RAPGEF2: variants seen among roughly 807,000 people sequenced by gnomAD.
RAPGEF2 encodes the protein PDZ domain containing guanine nucleotide exchange factor (GEF) 1.
RAPGEF2 carries 54 observed loss-of-function variants against 186.7 expected under a neutral mutation model. The observed-to-expected ratio is 0.29, with a 90% CI of 0.23 to 0.36. RAPGEF2 has a LOEUF of 0.36. RAPGEF2 is among the 10% of genes least tolerant of loss of function. RAPGEF2 has a pLI of 1.00. For synonymous variants in RAPGEF2, 712 were observed against 705.9 expected, an observed-to-expected ratio of 1.01 and a Z score of -0.14; for missense variants, 1,532 against 2,045.0, an observed-to-expected ratio of 0.75 and a Z score of 4.84.
rs59463532 is a variant in RAPGEF2 at position 159,330,265 on chromosome 4, ATGTGTGTG to A, written c.1303-45_1303-38del. ...CATATATGTGTGTGTGTATATGTAT[ATGTGTGTG>A]TGTGTGTGTGTGTGTGTGTGTGTAT... is the stretch of plus-strand genomic sequence containing the variant. On this transcript the variant is annotated intron_variant, in intron 12 of 29. Coordinates refer to ENST00000691494, the MANE Select transcript of RAPGEF2 (RefSeq NM_001394067.2). 688 of 535,372 alleles carry A rather than the reference ATGTGTGTG, an allele frequency of 1.3e-3. 4 individuals are homozygous for A. Among genetic ancestry groups the A allele is most frequent in the Middle Eastern group, 2.1e-3 (6 of 2,876 alleles). The allele number at this position is 535,372 out of a possible 1,614,324, so 33.2% of individuals were successfully genotyped here. A position where few individuals can be genotyped will look rare whatever the true frequency, so the allele number is the denominator to read the frequency against.
At chr4:159,177,777 A>G (rs563335774) in intron 1 of RAPGEF2, among the ~76,000 whole-genome samples, 5 of 152,312 alleles carry the variant, frequency 3.3e-5, no homozygotes, top group Non-Finnish European at 5.9e-5. Context: ...TGAGCATTGG[A>G]TAATCTAGCT....
intron 1 of RAPGEF2, among the ~76,000 whole-genome samples, chr4:159,158,428 C>T (rs1339422695): frequency 6.6e-6 from 1 of 152,202 alleles, no homozygotes; most frequent in Non-Finnish European, 1.5e-5. Context: ...AATCTCCAGT[C>T]TCCCAACAGG....
At chr4:159,311,141 C>T (rs909247072) in intron 8 of RAPGEF2, among the ~76,000 whole-genome samples, 10 of 152,048 alleles carry the variant, frequency 6.6e-5, no homozygotes, top group Non-Finnish European at 1.0e-4. Context: ...ACATTTTCTC[C>T]TCTGTAAACT....
intron 1 of RAPGEF2, among the ~76,000 whole-genome samples, chr4:159,130,707 G>GTTTTA (rs1196918721): frequency 6.6e-6 from 1 of 152,094 alleles, no homozygotes; most frequent in African/African-American, 2.4e-5. Flanking sequence ...ATCTATTATT[G>GTTTTA]TTTTATTTTA....
intron 9 of RAPGEF2, among the ~76,000 whole-genome samples, chr4:159,317,273 T>A (rs1379087833): frequency 6.6e-6 from 1 of 152,224 alleles, no homozygotes; most frequent in Non-Finnish European, 1.5e-5. Context: ...TGTATGGTAA[T>A]TATTATTTAT....
rs1294853415 is a variant in RAPGEF2, at chr4:159,342,225, C to T, written c.2918+278C>T. On this transcript the variant is annotated intron_variant, in intron 20 of 29. Coordinates refer to ENST00000691494, the MANE Select transcript of RAPGEF2 (RefSeq NM_001394067.2). ...GATTTGGAGCTCAGAAAATCTATATCCCCCACTTTTTTTTTAAGTTTGTTT... is the reference window on the plus strand; with the variant it reads ...GATTTGGAGCTCAGAAAATCTATATTCCCCACTTTTTTTTTAAGTTTGTTT... Among the ~76,000 whole-genome samples the T allele has an allele frequency of 3.9e-5, 6 of 152,160 alleles. No homozygotes were observed. The East Asian group carries it at 1.2e-3, about 29-fold the overall frequency.
chr4:159,343,575 T>C (rs1284111988), intron 22 of RAPGEF2, among the ~76,000 whole-genome samples, 171 bp downstream of exon 22: 1 of 152,246 alleles, frequency 6.6e-6, no homozygotes, highest in Non-Finnish European at 1.5e-5. Flanking sequence ...AAATGTCTTA[T>C]TCTGTATAAA....
At chr4:159,194,937 C>T (rs981833229) in intron 3 of RAPGEF2, among the ~76,000 whole-genome samples, 1 of 152,068 alleles carries the variant, frequency 6.6e-6, no homozygotes, top group Non-Finnish European at 1.5e-5. Flanking sequence ...GAGACAGTTA[C>T]AGCCATCTGA....
intron 4 of RAPGEF2, among the ~76,000 whole-genome samples, chr4:159,236,999 A>ATGCTGGT (rs1289343311): frequency 1.3e-5 from 2 of 152,162 alleles, no homozygotes; most frequent in Non-Finnish European, 2.9e-5. Flanking sequence ...GTTAAATATG[A>ATGCTGGT]TGCTGGTTTT....
intron 4 of RAPGEF2, among the ~76,000 whole-genome samples, chr4:159,231,200 A>C (rs1351773113): frequency 6.6e-6 from 1 of 152,098 alleles, no homozygotes; most frequent in Non-Finnish European, 1.5e-5. Flanking sequence ...CCTAGGAGCA[A>C]TAGGCTGTAT....
chr4:159,136,619 G>A (rs539351546), intron 1 of RAPGEF2, among the ~76,000 whole-genome samples: 1 of 152,116 alleles, frequency 6.6e-6, no homozygotes, highest in Non-Finnish European at 1.5e-5. Flanking sequence ...TAAACAATGT[G>A]AATGCCTAGC....
intron 7 of RAPGEF2, among the ~76,000 whole-genome samples, chr4:159,247,241 G>A (rs1365037797): frequency 6.6e-6 from 1 of 152,078 alleles, no homozygotes; most frequent in Non-Finnish European, 1.5e-5. Flanking sequence ...TGCCCACCAT[G>A]TTTCAGGTCT....
intron 7 of RAPGEF2, among the ~76,000 whole-genome samples, chr4:159,265,705 AGGT>A (rs1480173084): frequency 2.0e-5 from 3 of 152,186 alleles, no homozygotes; most frequent in African/African-American, 7.2e-5. Context: ...AGATATCAGG[AGGT>A]GGTATGGTAA....
intron 7 of RAPGEF2, among the ~76,000 whole-genome samples, chr4:159,273,401 TAGTAA>T: frequency 6.6e-6 from 1 of 152,242 alleles, no homozygotes; most frequent in Non-Finnish European, 1.5e-5. Flanking sequence ...TCACAGGACA[TAGTAA>T]AGTAAGATCT....
intron 20 of RAPGEF2, 139 bp from the exon 21 acceptor site, chr4:159,342,840 A>G (rs551297829): frequency 1.2e-6 from 1 of 825,036 alleles, no homozygotes; most frequent in South Asian, 1.8e-5. Flanking sequence ...CCCCAGAATT[A>G]TCATGAACAG....
At chr4:159,288,563 A>G (rs1760794799) in intron 7 of RAPGEF2, among the ~76,000 whole-genome samples, 3 of 152,084 alleles carry the variant, frequency 2.0e-5, no homozygotes, top group Non-Finnish European at 2.9e-5. Flanking sequence ...ATGATCTTAT[A>G]AAACAAAACT....
Position 159,191,663 on chromosome 4 carries a change from C to T in RAPGEF2, c.141-1537C>T, listed in dbSNP as rs566585834. Among the ~76,000 whole-genome samples, 29 of 152,148 alleles carry T rather than the reference C, an allele frequency of 1.9e-4. 1 individual carries two copies. Among genetic ancestry groups the T allele is most frequent in the African/African-American group, 6.3e-4 (26 of 41,522 alleles). On this transcript the variant is annotated intron_variant, in intron 2 of 29. Coordinates refer to ENST00000691494, the MANE Select transcript of RAPGEF2 (RefSeq NM_001394067.2). ...CTGAGGCAGGAGAATTGCTTGAACCCGGGAGGTGGAGGTTGCAGTGAGCTG... is the reference window on the plus strand; with the variant it reads ...CTGAGGCAGGAGAATTGCTTGAACCTGGGAGGTGGAGGTTGCAGTGAGCTG...
At chr4:159,354,503 G>T (rs866109739) in intron 28 of RAPGEF2, among the ~76,000 whole-genome samples, 41 of 152,082 alleles carry the variant, frequency 2.7e-4, no homozygotes, top group Non-Finnish European at 5.0e-4. Flanking sequence ...TATTCTGCAC[G>T]CACATTGTTG....
At chr4:159,170,448 A>G (rs1282436171) in intron 1 of RAPGEF2, among the ~76,000 whole-genome samples, 2 of 152,228 alleles carry the variant, frequency 1.3e-5, no homozygotes, top group African/African-American at 2.4e-5. Context: ...TACAGTAAAA[A>G]AGACAATACA....
Sources: gnomAD v4.1 joint callset for allele counts (sites outside exome capture counted in the v4.1 genomes callset) on GRCh38, gnomAD v4.1.1 for gene constraint, MANE v1.5 for transcripts, NCBI Gene and HGNC (gene_info 2026-07-23, HGNC 2026-07-21) for gene names.